FOXP1: variants seen among roughly 807,000 people sequenced by gnomAD.
FOXP1 encodes forkhead box P1.
In FOXP1, 15 loss-of-function variants were observed where a neutral mutation model predicts 98.2. The ratio of observed to expected loss-of-function variants is 0.15; its 90% CI spans 0.10 to 0.24. The LOEUF (loss-of-function observed/expected upper bound fraction) is 0.24, where lower values mean the gene tolerates loss of function less well. Among genes scored for constraint, FOXP1 ranks in the 10% least tolerant of loss-of-function variants. FOXP1 has a pLI of 1.00. For synonymous variants in FOXP1, 371 were observed against 314.5 expected, an observed-to-expected ratio of 1.18 and a Z score of -1.90; for missense variants, 633 against 848.5, an observed-to-expected ratio of 0.75 and a Z score of 3.15.
intron 3 of FOXP1, among the ~76,000 whole-genome samples, chr3:71,473,013 T>TA (rs750915545): frequency 6.6e-6 from 1 of 152,142 alleles, no homozygotes; most frequent in Non-Finnish European, 1.5e-5. Flanking sequence ...GCCAGACAGC[T>TA]AAAAAATAAC....
At chr3:71,217,934 C>T (rs1396922411) in intron 5 of FOXP1, among the ~76,000 whole-genome samples, 1 of 152,198 alleles carries the variant, frequency 6.6e-6, no homozygotes, top group Non-Finnish European at 1.5e-5. Flanking sequence ...TCGAGTGTCT[C>T]TCCCTGGGAT....
chr3:70,970,863 G>C (rs2036078474), intron 18 of FOXP1, 58 bp from the exon 19 acceptor site: 3 of 1,363,510 alleles, frequency 2.2e-6, no homozygotes, highest in Non-Finnish European at 2.1e-6. Context: ...TGAGTTCCTA[G>C]CTAAGTTTTG....
chr3:71,276,719 T>A (rs1195836177), intron 5 of FOXP1, among the ~76,000 whole-genome samples: 1 of 152,198 alleles, frequency 6.6e-6, no homozygotes. Flanking sequence ...GATGGGCACA[T>A]CTGTCATCTC....
At chr3:71,130,260 C>T (rs1027082702) in intron 6 of FOXP1, among the ~76,000 whole-genome samples, 2 of 152,070 alleles carry the variant, frequency 1.3e-5, no homozygotes, top group East Asian at 3.9e-4. Flanking sequence ...TGATTATATC[C>T]AAAGACATAT....
chr3:71,464,653 C>T (rs1577660217), intron 3 of FOXP1, among the ~76,000 whole-genome samples: 1 of 152,222 alleles, frequency 6.6e-6, no homozygotes, highest in Non-Finnish European at 1.5e-5. Flanking sequence ...AAGAAGCAAG[C>T]TGGCCTCTGC....
At chr3:71,580,829 G>A in intron 2 of FOXP1, 3 of 985,410 alleles carry the variant, frequency 3.0e-6, no homozygotes, top group Middle Eastern at 5.2e-4. Context: ...CAATGGTGAA[G>A]TGTAGACGGT....
chr3:71,005,210 G>T (rs2042609958), intron 12 of FOXP1, among the ~76,000 whole-genome samples: 1 of 148,962 alleles, frequency 6.7e-6, no homozygotes, highest in Non-Finnish European at 1.5e-5. Flanking sequence ...ATCAAAAACT[G>T]GCAGCATCTC....
chr3:71,336,583 T>G (rs1359756419), intron 4 of FOXP1, among the ~76,000 whole-genome samples: 2 of 152,200 alleles, frequency 1.3e-5, no homozygotes, highest in Admixed American at 6.5e-5. Context: ...GAATTCGACA[T>G]TTATCCTGTA....
At chr3:71,274,638 G>A (rs1045163975) in intron 5 of FOXP1, among the ~76,000 whole-genome samples, 4 of 152,126 alleles carry the variant, frequency 2.6e-5, no homozygotes, top group Admixed American at 2.0e-4. Context: ...AAGTATTTTC[G>A]ATAACACAGT....
intron 2 of FOXP1, among the ~76,000 whole-genome samples, chr3:71,503,540 G>A (rs1242693987): frequency 1.4e-5 from 2 of 143,498 alleles, no homozygotes; most frequent in East Asian, 4.0e-4. Flanking sequence ...GGTGGAGGTT[G>A]CAGTGAGCCA....
At chr3:71,279,997 C>T (rs1332011188) in intron 5 of FOXP1, among the ~76,000 whole-genome samples, 4 of 151,892 alleles carry the variant, frequency 2.6e-5, no homozygotes, top group South Asian at 2.1e-4. Context: ...GTGATGGGCG[C>T]CTGTAGTCCC....
intron 4 of FOXP1, among the ~76,000 whole-genome samples, chr3:71,308,911 G>C (rs2074494511): frequency 6.6e-6 from 1 of 151,866 alleles, no homozygotes; most frequent in African/African-American, 2.4e-5. Context: ...CTTGCCACTG[G>C]TGACTGCAAA....
chr3:71,547,994 A>C (rs1287475456), intron 2 of FOXP1, among the ~76,000 whole-genome samples: 1 of 152,226 alleles, frequency 6.6e-6, no homozygotes, highest in African/African-American at 2.4e-5. Context: ...ATTTCATAAG[A>C]GGACAAAGGG....
At chr3:71,553,223 A>G (rs1034100004) in intron 2 of FOXP1, among the ~76,000 whole-genome samples, 4 of 152,094 alleles carry the variant, frequency 2.6e-5, no homozygotes, top group South Asian at 2.1e-4. Flanking sequence ...TAACAGCCCA[A>G]ATATTTTATA....
intron 4 of FOXP1, among the ~76,000 whole-genome samples, chr3:71,319,669 G>A (rs983867124): frequency 1.3e-5 from 2 of 152,040 alleles, no homozygotes; most frequent in Admixed American, 1.3e-4. Flanking sequence ...AACCTCTGTT[G>A]CCAAAGTCAT....
At chr3:71,418,596 T>C (rs1011356055) in intron 3 of FOXP1, among the ~76,000 whole-genome samples, 2 of 152,164 alleles carry the variant, frequency 1.3e-5, no homozygotes, top group African/African-American at 4.8e-5. Context: ...AAAGAGCTAA[T>C]AGGGGAAGAA....
At chr3:70,960,307 T>C (rs2033044536) in intron 20 of FOXP1, among the ~76,000 whole-genome samples, 1 of 152,124 alleles carries the variant, frequency 6.6e-6, no homozygotes, top group African/African-American at 2.4e-5. Flanking sequence ...ATAATAACGC[T>C]GTCAGCTGTA....
chr3:71,037,887 G>T (rs62257226), intron 11 of FOXP1, among the ~76,000 whole-genome samples: 354 of 152,340 alleles, frequency 2.3e-3, no homozygotes, highest in Non-Finnish European at 3.6e-3. Context: ...GCGCAACAGG[G>T]AAGTGGGTTT....
At chr3:71,554,136 C>T (rs55963092) in intron 2 of FOXP1, among the ~76,000 whole-genome samples, 23,464 of 152,022 alleles carry the variant, frequency 0.15, 2,276 homozygotes, top group Non-Finnish European at 0.22. Flanking sequence ...TTACTTGAGA[C>T]CAAGAGTTCA....
Sources: gnomAD v4.1 joint callset for allele counts (sites outside exome capture counted in the v4.1 genomes callset) on GRCh38, gnomAD v4.1.1 for gene constraint, MANE v1.5 for transcripts, NCBI Gene and HGNC (gene_info 2026-07-23, HGNC 2026-07-21) for gene names.